Variants in HEMK2 observed in about 807,000 individuals in gnomAD.
The protein encoded by HEMK2 is HemK methyltransferase 2, ETF1 glutamine and histone H4 lysine, also known as methyltransferase HEMK2.
the HEMK2 span, among the ~76,000 whole-genome samples, chr21:28,596,990 C>G: frequency 6.6e-6 from 1 of 151,982 alleles, no homozygotes; most frequent in East Asian, 1.9e-4. Flanking sequence ...TTTTTTAATT[C>G]AGATCCCAGC....
chr21:28,587,621 T>G, the HEMK2 span, among the ~76,000 whole-genome samples: 1 of 152,222 alleles, frequency 6.6e-6, no homozygotes, highest in Non-Finnish European at 1.5e-5. Flanking sequence ...TTCAGCCCCA[T>G]TTCTTAATAA....
chr21:28,694,814 C>T, the HEMK2 span, among the ~76,000 whole-genome samples: 3 of 151,962 alleles, frequency 2.0e-5, no homozygotes, highest in African/African-American at 4.8e-5. Context: ...CTAGCTAACA[C>T]GGTGAAACCC....
At chr21:28,744,308 A>T in the HEMK2 span, among the ~76,000 whole-genome samples, 57 of 152,328 alleles carry the variant, frequency 3.7e-4, no homozygotes, top group East Asian at 0.011. Context: ...TGAGACAATA[A>T]ATAGATCCTG....
chr21:28,857,333 C>G, the HEMK2 span, among the ~76,000 whole-genome samples: 14 of 151,890 alleles, frequency 9.2e-5, no homozygotes, highest in Admixed American at 9.2e-4. Context: ...ACCATACAAG[C>G]ACAAAACGTA....
chr21:28,877,005 G>GAGGGAGGAAGGA, the HEMK2 span, among the ~76,000 whole-genome samples: 2 of 34,554 alleles, frequency 5.8e-5, no homozygotes, highest in African/African-American at 2.1e-4. Context: ...GGGAGGGAGG[G>GAGGGAGGAAGGA]AGGAAGGAAG....
the HEMK2 span, chr21:28,885,177 A>T: frequency 4.6e-6 from 7 of 1,516,610 alleles, no homozygotes; most frequent in African/African-American, 1.4e-5. Flanking sequence ...GAAAGCCGCA[A>T]CCCTTTCCCG....
the HEMK2 span, among the ~76,000 whole-genome samples, chr21:28,845,636 GTTTGA>G: frequency 1.3e-5 from 2 of 151,566 alleles, no homozygotes; most frequent in Non-Finnish European, 2.9e-5. Flanking sequence ...TTCTTTTCTT[GTTTGA>G]TTTATTCCTA....
the HEMK2 span, among the ~76,000 whole-genome samples, chr21:28,743,985 A>G: frequency 6.6e-6 from 1 of 152,154 alleles, no homozygotes; most frequent in East Asian, 1.9e-4. Flanking sequence ...GCAAACTAAC[A>G]CAGAAAACCA....
chr21:28,665,747 A>G, the HEMK2 span, among the ~76,000 whole-genome samples: 1 of 151,698 alleles, frequency 6.6e-6, no homozygotes, highest in Non-Finnish European at 1.5e-5. Context: ...TATATACCCA[A>G]AGGACTATAA....
At chr21:28,654,068 G>A in the HEMK2 span, among the ~76,000 whole-genome samples, 5 of 152,114 alleles carry the variant, frequency 3.3e-5, no homozygotes, top group Non-Finnish European at 5.9e-5. Context: ...TGTGACAATT[G>A]TCAAATGAGC....
the HEMK2 span, among the ~76,000 whole-genome samples, chr21:28,744,374 G>A: frequency 6.6e-6 from 1 of 152,208 alleles, no homozygotes; most frequent in Non-Finnish European, 1.5e-5. Flanking sequence ...TGTAATCCAA[G>A]TTGAGTAAAA....
chr21:28,857,627 A>G, the HEMK2 span, among the ~76,000 whole-genome samples: 1 of 152,232 alleles, frequency 6.6e-6, no homozygotes, highest in African/African-American at 2.4e-5. Context: ...TCATTATTAT[A>G]TAACATGCCT....
the HEMK2 span, among the ~76,000 whole-genome samples, chr21:28,578,958 T>A: frequency 6.6e-6 from 1 of 152,238 alleles, no homozygotes; most frequent in Non-Finnish European, 1.5e-5. Flanking sequence ...AAATGTAATG[T>A]CAGGAAAATT....
the HEMK2 span, among the ~76,000 whole-genome samples, chr21:28,841,240 A>ATATATAATATAT: frequency 1.3e-4 from 1 of 7,466 alleles, no homozygotes; most frequent in Non-Finnish European, 1.8e-4. Context: ...ATATATATTT[A>ATATATAATATAT]TATATATAAT....
At chr21:28,711,146 C>T in the HEMK2 span, among the ~76,000 whole-genome samples, 5 of 152,200 alleles carry the variant, frequency 3.3e-5, no homozygotes, top group Admixed American at 2.6e-4. Context: ...AATAAAAAAT[C>T]CAAGTCCCTA....
chr21:28,833,766 C>G, the HEMK2 span, among the ~76,000 whole-genome samples: 54 of 152,328 alleles, frequency 3.5e-4, no homozygotes, highest in Non-Finnish European at 6.3e-4. Context: ...CTGCCTCTAT[C>G]GTTTTCTCAC....
At chr21:28,870,155 A>T in the HEMK2 span, among the ~76,000 whole-genome samples, 1 of 152,192 alleles carries the variant, frequency 6.6e-6, no homozygotes, top group Non-Finnish European at 1.5e-5. Context: ...TTACAGGAAA[A>T]CTGATAAGGA....
the HEMK2 span, among the ~76,000 whole-genome samples, chr21:28,800,860 A>G: frequency 5.3e-5 from 8 of 152,238 alleles, no homozygotes; most frequent in African/African-American, 1.9e-4. Flanking sequence ...CCAAAAGAAA[A>G]GCAGAATAAA....
the HEMK2 span, among the ~76,000 whole-genome samples, chr21:28,684,300 C>G: frequency 1.3e-5 from 2 of 152,202 alleles, no homozygotes; most frequent in Admixed American, 6.5e-5. Flanking sequence ...GAAGGAATGT[C>G]AATGCAGGCA....
Sources: allele counts gnomAD v4.1 joint callset (sites outside exome capture counted in the v4.1 genomes callset), GRCh38; gene constraint gnomAD v4.1.1; transcripts MANE v1.5; gene names NCBI Gene and HGNC (gene_info 2026-07-23, HGNC 2026-07-21).